Variants in PRIMA1 observed in about 807,000 individuals in gnomAD.
PRIMA1 encodes proline-rich membrane anchor 1.
PRIMA1 carries 7 observed loss-of-function variants against 17.5 expected under a neutral mutation model. The observed-to-expected ratio is 0.40, with a 90% CI of 0.23 to 0.75. The LOEUF is 0.75. Ranked by LOEUF, PRIMA1 falls within the 30% of genes least tolerant of loss-of-function variation. PRIMA1 has a pLI of 0.37. For missense variants in PRIMA1, 200 were observed against 201.8 expected, an observed-to-expected ratio of 0.99 and a Z score of 0.05; for synonymous variants, 97 against 77.9, an observed-to-expected ratio of 1.25 and a Z score of -1.29.
intron 2 of PRIMA1, among the ~76,000 whole-genome samples, chr14:93,784,190 C>A (rs899636406): frequency 2.6e-5 from 4 of 152,162 alleles, no homozygotes; most frequent in Admixed American, 6.5e-5. Flanking sequence ...GCTAGAAAAA[C>A]AATTTGTAGT....
chr14:93,772,438 G>A (rs1244422912), intron 3 of PRIMA1, among the ~76,000 whole-genome samples: 3 of 152,268 alleles, frequency 2.0e-5, no homozygotes, highest in African/African-American at 7.2e-5. Context: ...AGGTCTCACA[G>A]AGGGCGTGTG....
chr14:93,770,725 C>T (rs954414595), intron 3 of PRIMA1, among the ~76,000 whole-genome samples: 4 of 152,232 alleles, frequency 2.6e-5, no homozygotes, highest in Non-Finnish European at 4.4e-5. Flanking sequence ...TGCCCCCTCC[C>T]GCGCACACAC....
intron 3 of PRIMA1, among the ~76,000 whole-genome samples, chr14:93,772,693 C>A (rs1885104315): frequency 6.6e-6 from 1 of 152,256 alleles, no homozygotes; most frequent in South Asian, 2.1e-4. Flanking sequence ...GATCACATGC[C>A]TGGCAAGGGC....
At chr14:93,728,285 C>A (rs1369519280) in intron 4 of PRIMA1, among the ~76,000 whole-genome samples, 1 of 152,168 alleles carries the variant, frequency 6.6e-6, no homozygotes, top group Non-Finnish European at 1.5e-5. Flanking sequence ...GAACAGACTG[C>A]AGCAAATTAA....
At chr14:93,783,325 A>C (rs1361602764) in intron 2 of PRIMA1, among the ~76,000 whole-genome samples, 1 of 152,214 alleles carries the variant, frequency 6.6e-6, no homozygotes, top group African/African-American at 2.4e-5. Flanking sequence ...GGCTCAGCGA[A>C]GCTAAATGAT....
intron 3 of PRIMA1, among the ~76,000 whole-genome samples, chr14:93,747,935 GTGAGTGTGTGTGTA>G (rs1236369858): frequency 1.1e-3 from 80 of 70,870 alleles, no homozygotes; most frequent in African/African-American, 2.3e-3. Context: ...GTGTGATTAT[GTGAGTGTGTGTGTA>G]TGAGTGTGTG....
chr14:93,756,907 A>G (rs1015600368), intron 3 of PRIMA1, among the ~76,000 whole-genome samples: 3 of 152,160 alleles, frequency 2.0e-5, no homozygotes, highest in African/African-American at 4.8e-5. Context: ...CCTCTGGGCC[A>G]GTCTCTCTGC....
In PRIMA1 at chr14:93,720,007, A is replaced by T. The variant is rs1455803458; in HGVS notation, c.*1437T>A. ...TTTCAGGTGTGTCTGTCTTCTCTGG[A>T]CTTCAAAGTCTCACCTGTAGCTTAA... On this transcript the variant is annotated 3_prime_UTR_variant, in exon 5 of 5. Coordinates refer to ENST00000393140, the MANE Select transcript of PRIMA1 (RefSeq NM_178013.4). The T allele has an allele frequency of 6.6e-6, 1 of 152,102 alleles. No individual in the cohort carries two copies. The highest frequency in any genetic ancestry group is 1.5e-5 in the Non-Finnish European group (1 of 68,038). 9.4% of individuals were successfully genotyped at this position (152,102 alleles called of 1,614,324 possible). A position where few individuals can be genotyped will look rare whatever the true frequency, so the allele number is the denominator to read the frequency against.
In PRIMA1 at chr14:93,726,878, T is replaced by C. The variant is rs967111925; in HGVS notation, c.360-5332A>G. ...ATGCACACATACACATATGTGCACA[T>C]GCATGCACACATACATATGAATACA... On this transcript the variant is annotated intron_variant, in intron 4 of 4. Coordinates refer to ENST00000393140, the MANE Select transcript of PRIMA1 (RefSeq NM_178013.4). This position sits in a 1 kb window ranked among gnomAD's most constrained non-coding sequence, Gnocchi z 4.2. Among the ~76,000 whole-genome samples the C allele has an allele frequency of 6.6e-6, 1 of 152,152 alleles. No individual in the cohort carries two copies. Among genetic ancestry groups the C allele is most frequent in the Non-Finnish European group, 1.5e-5 (1 of 68,018 alleles).
intron 3 of PRIMA1, among the ~76,000 whole-genome samples, chr14:93,752,337 G>C (rs1004654391): frequency 9.2e-5 from 14 of 152,190 alleles, no homozygotes; most frequent in African/African-American, 3.4e-4. Flanking sequence ...GGGCTTGGGA[G>C]ACCGCAGGAG....
At chr14:93,735,534 G>A (rs1213664115) in intron 4 of PRIMA1, among the ~76,000 whole-genome samples, 2 of 152,036 alleles carry the variant, frequency 1.3e-5, no homozygotes, top group African/African-American at 4.8e-5. Flanking sequence ...AGCAAACCTC[G>A]CACAGCCTCA....
At chr14:93,735,723 GCT>G (rs983990916) in intron 4 of PRIMA1, among the ~76,000 whole-genome samples, 1 of 142,042 alleles carries the variant, frequency 7.0e-6, no homozygotes, top group African/African-American at 2.6e-5. Context: ...ATGGAGTCTC[GCT>G]CTGTCGCCCA....
intron 2 of PRIMA1, among the ~76,000 whole-genome samples, chr14:93,784,676 C>T (rs975249934): frequency 6.6e-6 from 1 of 152,162 alleles, no homozygotes; most frequent in Non-Finnish European, 1.5e-5. Context: ...TTCTGTCTGC[C>T]TGGACACCTC....
At position 93,755,447 on chromosome 14, in the gene PRIMA1, T is replaced by C. The variant is rs563106667; in HGVS notation, c.230-18077A>G. Among the ~76,000 whole-genome samples the C allele has an allele frequency of 2.8e-4, 43 of 152,276 alleles. No individual in the cohort carries two copies. The South Asian group carries it at 8.3e-3, about 29-fold the overall frequency. On this transcript the variant is annotated intron_variant, in intron 3 of 4. Coordinates refer to ENST00000393140, the MANE Select transcript of PRIMA1 (RefSeq NM_178013.4). The stretch of plus-strand genomic sequence containing the variant: ...ATGTAGGACTCCAACCCTTTATTGG[T>C]AATTTCCTAACCCAAAAAGCAGTTT...
At chr14:93,740,996 G>T (rs1356774059) in intron 3 of PRIMA1, among the ~76,000 whole-genome samples, 1 of 152,194 alleles carries the variant, frequency 6.6e-6, no homozygotes, top group Non-Finnish European at 1.5e-5. Context: ...AAAGCAGTGA[G>T]CCCATGGTTC....
intron 3 of PRIMA1, among the ~76,000 whole-genome samples, chr14:93,770,664 C>A (rs995907143): frequency 3.3e-5 from 5 of 152,164 alleles, no homozygotes; most frequent in Admixed American, 6.5e-5. Flanking sequence ...TGTTATCTTC[C>A]ATTTTTCCTG....
chr14:93,774,610 T>C (rs1332201864), intron 3 of PRIMA1, among the ~76,000 whole-genome samples: 1 of 152,244 alleles, frequency 6.6e-6, no homozygotes, highest in Non-Finnish European at 1.5e-5. Context: ...CTTCGTGGCC[T>C]GTGCAGCCTC....
intron 3 of PRIMA1, among the ~76,000 whole-genome samples, chr14:93,766,457 C>T (rs1427406049): frequency 6.6e-6 from 1 of 152,194 alleles, no homozygotes; most frequent in East Asian, 1.9e-4. Flanking sequence ...GAGCCAGCAT[C>T]AGGTGATACC....
At chr14:93,774,354 T>C (rs1381994076) in intron 3 of PRIMA1, among the ~76,000 whole-genome samples, 3 of 152,158 alleles carry the variant, frequency 2.0e-5, no homozygotes, top group Non-Finnish European at 4.4e-5. Context: ...AGGTGCTGTC[T>C]GGATGAAGAG....
Sources: allele counts gnomAD v4.1 joint callset (sites outside exome capture counted in the v4.1 genomes callset), GRCh38; gene constraint gnomAD v4.1.1; non-coding constraint Gnocchi (gnomAD v3.1); transcripts MANE v1.5; gene names NCBI Gene and HGNC (gene_info 2026-07-23, HGNC 2026-07-21).